The following DRGX variants were observed in gnomAD, a reference collection of about 807,000 sequenced individuals.
DRGX encodes dorsal root ganglia homeobox.
In DRGX, 21 loss-of-function variants were observed where a neutral mutation model predicts 28.6. That is an observed-to-expected ratio of 0.73 (90% CI 0.52 to 1.06). The LOEUF (loss-of-function observed/expected upper bound fraction) is 1.06, where lower values mean the gene tolerates loss of function less well. DRGX is among the 50% of genes least tolerant of loss of function. The pLI is 0.00. For missense variants in DRGX, 354 were observed against 343.9 expected (o/e 1.03, Z -0.23); for synonymous variants, 136 against 139.1 (o/e 0.98, Z 0.16).
intron 6 of DRGX, among the ~76,000 whole-genome samples, chr10:49,384,867 G>A (rs920644051): frequency 3.3e-5 from 5 of 152,330 alleles, no homozygotes; most frequent in South Asian, 4.1e-4. Flanking sequence ...TATCAGAGAC[G>A]CCGTGGGAAT....
At position 49,386,800 on chromosome 10, in the gene DRGX, T is replaced by C; in HGVS notation, c.293A>G (p.Gln98Arg). The change falls in exon 5 of 7, where the codon CAG (glutamine) becomes CGG (arginine). Residue 98 changes from glutamine (Q) to arginine (R), a missense_variant. Physicochemically the swap from Gln to Arg is conservative, Grantham distance 43 (BLOSUM62 1). Transcript: ENST00000374139. Reference protein sequence around the residue: ...WRKTERGASDQEPGAKEPMAE... With the variant: ...WRKTERGASDREPGAKEPMAE... ...CATGGGCTCCTTGGCTCCTGGCTCC[T>C]GGTCTGAGGCCCCTCTCTCTGTCTT... 6.2e-7 allele frequency: 1 copy of C among 1,604,744 alleles called. No individual in the cohort carries two copies. The highest frequency in any genetic ancestry group is 1.3e-5 in the African/African-American group (1 of 74,434).
intron 6 of DRGX, 106 bp downstream of exon 6, chr10:49,386,372 C>T (rs1849834877): frequency 4.0e-6 from 4 of 994,072 alleles, no homozygotes; most frequent in African/African-American, 1.6e-5. Context: ...GAGGAAGCTG[C>T]ACAGGCCCAG....
At chr10:49,393,056 A>G (rs180797985) in intron 2 of DRGX, among the ~76,000 whole-genome samples, 23 of 152,326 alleles carry the variant, frequency 1.5e-4, no homozygotes, top group Non-Finnish European at 2.1e-4. Flanking sequence ...CAGGTATTTA[A>G]TCTATAAATA....
In DRGX at chr10:49,395,930, C is replaced by CAT. The variant is rs1849964040; in HGVS notation, c.-82+3_-82+4dup. 1 of 157,038 alleles carries CAT rather than the reference C, an allele frequency of 6.4e-6. No individual in the cohort carries two copies. Among genetic ancestry groups the CAT allele is most frequent in the African/African-American group, 2.4e-5 (1 of 41,492 alleles). The allele number at this position is 157,038 out of a possible 1,614,324, so 9.7% of individuals were successfully genotyped here. On this transcript the variant is annotated splice_donor_region_variant and intron_variant, in intron 1 of 6. Transcript: ENST00000374139. ...CCCGGCGAGTGGGTCAGGAGCCGAG[C>CAT]ATACCTCGGCGGGCGGCGGTCGAGG... is the stretch of plus-strand genomic sequence containing the variant.
chr10:49,383,437 G>A (rs910325384), intron 6 of DRGX, among the ~76,000 whole-genome samples: 3 of 152,186 alleles, frequency 2.0e-5, no homozygotes, highest in African/African-American at 7.2e-5. Flanking sequence ...GGGGCAGGAG[G>A]TAGGTATGCA....
rs1238009441 is a variant in DRGX, at chr10:49,395,416, G to C, written c.25C>G (p.Gln9Glu). Residue 9 changes from glutamine (Q) to glutamate (E), a missense_variant, in exon 2 of 7, where the codon CAG becomes GAG. Gln to Glu is a conservative substitution (Grantham distance 29). Coordinates refer to ENST00000374139, the MANE Select transcript of DRGX (RefSeq NM_001276451.2). MFYFHCPPQLEGTATFGNH... is the reference protein window; with the variant it reads MFYFHCPPELEGTATFGNH... ...CGCAGCGCTTACTTACCCTCTAGCTGTGGCGGGCAGTGGAAATAAAACATC... is the reference window on the plus strand; with the variant it reads ...CGCAGCGCTTACTTACCCTCTAGCTCTGGCGGGCAGTGGAAATAAAACATC... 3 of 1,550,324 alleles carry C rather than the reference G, an allele frequency of 1.9e-6. No individual in the cohort carries two copies.
intron 2 of DRGX, 111 bp downstream of exon 2, chr10:49,395,296 C>A (rs1475835566): frequency 7.3e-7 from 1 of 1,363,036 alleles, no homozygotes; most frequent in Non-Finnish European, 1.0e-6. Flanking sequence ...CGGCAGGCGG[C>A]TGCGCCCCCC....
intron 2 of DRGX, 22 bp from the exon 3 acceptor site, chr10:49,391,283 A>G (rs1413387973): frequency 8.7e-6 from 14 of 1,602,432 alleles, no homozygotes; most frequent in Middle Eastern, 1.6e-4. Context: ...AAACTGATCA[A>G]CCTGGGCAGG....
intron 6 of DRGX, among the ~76,000 whole-genome samples, chr10:49,378,825 CA>C (rs1304107173): frequency 6.6e-6 from 1 of 151,844 alleles, no homozygotes; most frequent in Non-Finnish European, 1.5e-5. Context: ...AACTCAGACA[CA>C]AAAAAATACA....
chr10:49,391,440 T>C (rs1440866915), intron 2 of DRGX, among the ~76,000 whole-genome samples, 179 bp from the exon 3 acceptor site: 2 of 152,158 alleles, frequency 1.3e-5, no homozygotes, highest in African/African-American at 4.8e-5. Context: ...CCCCAAAACC[T>C]CTGACTTTAA....
chr10:49,391,248 A>C lies in DRGX; in HGVS notation c.48T>G (p.Phe16Leu), dbSNP rs1279828409. The change falls in exon 3 of 7, where the codon TTT becomes TTG. Residue 16 changes from phenylalanine (F) to leucine (L), a missense_variant. Coordinates refer to ENST00000374139, the MANE Select transcript of DRGX (RefSeq NM_001276451.2). Reference protein sequence around the residue: ...CPPQLEGTATFGNHSSGDFDD... With the variant: ...CPPQLEGTATLGNHSSGDFDD... ...CAAAATCCCCCGAAGAGTGATTGCCAAAGGTTGCAGTGCCTACCAAGAGCA... is the reference window on the plus strand; with the variant it reads ...CAAAATCCCCCGAAGAGTGATTGCCCAAGGTTGCAGTGCCTACCAAGAGCA... The C allele has an allele frequency of 2.5e-6, 4 of 1,610,566 alleles. No individual in the cohort carries two copies. Among genetic ancestry groups the C allele is most frequent in the Non-Finnish European group, 3.4e-6 (4 of 1,178,512 alleles).
intron 6 of DRGX, among the ~76,000 whole-genome samples, chr10:49,385,919 C>T (rs915629330): frequency 6.6e-6 from 1 of 152,086 alleles, no homozygotes; most frequent in African/African-American, 2.4e-5. Flanking sequence ...CTCAGAAATC[C>T]CAAGGGCCAA....
At chr10:49,366,871 A>C (rs1030512402) in intron 6 of DRGX, among the ~76,000 whole-genome samples, 9 of 152,168 alleles carry the variant, frequency 5.9e-5, no homozygotes, top group Admixed American at 1.3e-4. Flanking sequence ...TCCCAGCCTA[A>C]CCACGAGATC....
chr10:49,392,548 T>C (rs535339898), intron 2 of DRGX, among the ~76,000 whole-genome samples: 1 of 152,370 alleles, frequency 6.6e-6, no homozygotes, highest in African/African-American at 2.4e-5. Flanking sequence ...ATTGTCTTTT[T>C]TTGAAACAAT....
At chr10:49,376,211 C>T (rs1415502921) in intron 6 of DRGX, among the ~76,000 whole-genome samples, 2 of 152,188 alleles carry the variant, frequency 1.3e-5, no homozygotes, top group Admixed American at 1.3e-4. Flanking sequence ...GCCGTGGTAA[C>T]ATGCTCAACA....
At position 49,365,604 on chromosome 10, in the gene DRGX, G is replaced by A. The variant is rs1413467331; in HGVS notation, c.*512C>T. 6.6e-6 allele frequency: 1 copy of A among 152,666 alleles called. No individual in the cohort carries two copies. Among genetic ancestry groups the A allele is most frequent in the Non-Finnish European group, 1.5e-5 (1 of 68,382 alleles). The allele number at this position is 152,666 out of a possible 1,614,324, so 9.5% of individuals were successfully genotyped here. On this transcript the variant is annotated 3_prime_UTR_variant, in exon 7 of 7. Coordinates refer to ENST00000374139, the MANE Select transcript of DRGX (RefSeq NM_001276451.2). ...GCCCACAACCAATATTCTCCAACAA[G>A]AGAAAGGGCATTACTGCTCATCTTG...
chr10:49,367,482 G>T (rs909718004), intron 6 of DRGX, among the ~76,000 whole-genome samples: 1 of 152,218 alleles, frequency 6.6e-6, no homozygotes, highest in Admixed American at 6.5e-5. Flanking sequence ...CATACTTAGT[G>T]AGCTGCTTGG....
rs1428191136 is a variant in DRGX, at chr10:49,366,110, G to T, written c.*6C>A. ...GAGGGCAGGCCGGGCGGGGCACTGT[G>T]GACCCTCATACACTCTTCTCTGCCT... On this transcript the variant is annotated 3_prime_UTR_variant, in exon 7 of 7. Coordinates refer to ENST00000374139, the MANE Select transcript of DRGX (RefSeq NM_001276451.2). 7.7e-6 allele frequency: 12 copies of T among 1,551,252 alleles called. No individual in the cohort carries two copies. Among genetic ancestry groups the T allele is most frequent in the Non-Finnish European group, 9.6e-6 (11 of 1,143,642 alleles).
In DRGX at chr10:49,366,342, C is replaced by A; in HGVS notation, c.566G>T (p.Gly189Val). The A allele has an allele frequency of 6.2e-7, 1 of 1,613,654 alleles. No homozygotes were observed. Among genetic ancestry groups the A allele is most frequent in the Non-Finnish European group, 8.5e-7 (1 of 1,179,712 alleles). Residue 189 changes from glycine (G) to valine (V), a missense_variant, in exon 7 of 7, where the codon GGA becomes GTA. Transcript: ENST00000374139. ...GCCATAGGTGGGAAGGAAGGAGAGT[C>A]CCATGGGGTCTGGGACGCAGCAAGA... ...LCSCCVPDPM[G>V]LSFLPTYGCQ...
Sources: allele counts gnomAD v4.1 joint callset (sites outside exome capture counted in the v4.1 genomes callset), GRCh38; gene constraint gnomAD v4.1.1; transcripts MANE v1.5; gene names NCBI Gene and HGNC (gene_info 2026-07-23, HGNC 2026-07-21).